Variants in NPAS3 observed in about 807,000 individuals in gnomAD.
The protein encoded by NPAS3 is neuronal PAS domain-containing protein 3.
Under a neutral mutation model 73.1 loss-of-function variants are expected in NPAS3, and 14 were observed. That is an observed-to-expected ratio of 0.19 (90% CI 0.13 to 0.30). The LOEUF is 0.30. Ranked by LOEUF, NPAS3 falls within the 10% of genes least tolerant of loss-of-function variation. The probability of loss-of-function intolerance (pLI) is 1.00; values close to 1 mark genes in which losing one functional copy is unlikely to be tolerated. For synonymous variants in NPAS3, 620 were observed against 541.5 expected (o/e 1.14, Z -2.01); for missense variants, 1,096 against 1,250.0 (o/e 0.88, Z 1.86).
At chr14:33,688,410 T>C (rs1338689567) in intron 6 of NPAS3, among the ~76,000 whole-genome samples, 1 of 152,202 alleles carries the variant, frequency 6.6e-6, no homozygotes, top group East Asian at 1.9e-4. Flanking sequence ...AGAGAAACTC[T>C]TACTAATACC....
chr14:33,481,779 A>C (rs1215015401), intron 4 of NPAS3, among the ~76,000 whole-genome samples: 1 of 152,008 alleles, frequency 6.6e-6, no homozygotes, highest in African/African-American at 2.4e-5. Context: ...AGTTATAAAA[A>C]AATCAAAAAA....
intron 2 of NPAS3, among the ~76,000 whole-genome samples, chr14:33,179,082 T>A (rs1343327015): frequency 1.3e-5 from 2 of 152,208 alleles, no homozygotes; most frequent in Non-Finnish European, 2.9e-5. Flanking sequence ...TCACGTGTGT[T>A]TTTTTTCCCT....
At chr14:33,528,953 G>A (rs913368519) in intron 4 of NPAS3, among the ~76,000 whole-genome samples, 12 of 152,072 alleles carry the variant, frequency 7.9e-5, no homozygotes, top group Admixed American at 5.2e-4. Flanking sequence ...GTTTTTCGAG[G>A]TCATATAGTT....
At chr14:33,146,339 C>T (rs2044236435) in intron 2 of NPAS3, among the ~76,000 whole-genome samples, 1 of 152,148 alleles carries the variant, frequency 6.6e-6, no homozygotes, top group African/African-American at 2.4e-5. Flanking sequence ...AGCTCGACCC[C>T]CTTCCCTAAG....
intron 5 of NPAS3, among the ~76,000 whole-genome samples, chr14:33,639,991 G>A (rs1199208999): frequency 6.6e-6 from 1 of 152,102 alleles, no homozygotes; most frequent in African/African-American, 2.4e-5. Flanking sequence ...GCCGAAGTGG[G>A]TGGATCACCT....
At chr14:33,300,327 G>T (rs1273827887) in intron 3 of NPAS3, among the ~76,000 whole-genome samples, 1 of 152,074 alleles carries the variant, frequency 6.6e-6, no homozygotes, top group Non-Finnish European at 1.5e-5. Flanking sequence ...TTGTAAGTTG[G>T]GCTAGTAAAA....
At chr14:32,958,241 C>A (rs1319396395) in intron 1 of NPAS3, among the ~76,000 whole-genome samples, 1 of 152,084 alleles carries the variant, frequency 6.6e-6, no homozygotes. Flanking sequence ...CTGAATGCTT[C>A]CAGAAGGGTT....
chr14:33,335,283 T>C (rs899675988), intron 3 of NPAS3, among the ~76,000 whole-genome samples: 1 of 152,124 alleles, frequency 6.6e-6, no homozygotes, highest in Non-Finnish European at 1.5e-5. Context: ...TTTATTCTTA[T>C]AGTGATGGAC....
intron 4 of NPAS3, among the ~76,000 whole-genome samples, chr14:33,381,000 CTT>C (rs957426320): frequency 1.4e-5 from 2 of 141,980 alleles, no homozygotes. Flanking sequence ...ACAGAAAATT[CTT>C]TTTTTTTTTT....
intron 2 of NPAS3, among the ~76,000 whole-genome samples, chr14:33,119,892 C>T (rs1049803619): frequency 3.3e-5 from 5 of 152,242 alleles, no homozygotes; most frequent in African/African-American, 1.2e-4. Flanking sequence ...AAATGAAGAC[C>T]TTCTGTTTAA....
intron 5 of NPAS3, among the ~76,000 whole-genome samples, chr14:33,615,783 GCCATATATTCCTTT>G (rs1403099068): frequency 6.6e-6 from 1 of 152,118 alleles, no homozygotes; most frequent in African/African-American, 2.4e-5. Flanking sequence ...AATCCCCGTA[GCCATATATTCCTTT>G]CCAGAGAGTC....
intron 5 of NPAS3, among the ~76,000 whole-genome samples, chr14:33,646,503 A>G (rs2058833341): frequency 6.6e-6 from 1 of 152,200 alleles, no homozygotes; most frequent in South Asian, 2.1e-4. Context: ...TAGTATCTAT[A>G]TAATTCATAA....
chr14:33,288,813 A>G lies in NPAS3; in HGVS notation c.385+73387A>G, dbSNP rs147012122. ...AATCTAATCATGCACATGTACACAC[A>G]CCCACAAAGCAAAATATCTAAAAAA... On this transcript the variant is annotated intron_variant, in intron 3 of 11. Transcript: ENST00000356141. Among the ~76,000 whole-genome samples, 48 of 152,258 alleles carry G rather than the reference A, an allele frequency of 3.2e-4. 1 individual carries two copies. Among genetic ancestry groups the G allele is most frequent in the Middle Eastern group, 3.4e-3 (1 of 294 alleles).
chr14:33,234,099 AT>A (rs2047947335), intron 3 of NPAS3, among the ~76,000 whole-genome samples: 1 of 152,172 alleles, frequency 6.6e-6, no homozygotes, highest in Non-Finnish European at 1.5e-5. Flanking sequence ...CTTGAAAGTT[AT>A]AAAAACCTAT....
At chr14:33,686,952 G>C (rs1358359752) in intron 6 of NPAS3, among the ~76,000 whole-genome samples, 2 of 152,082 alleles carry the variant, frequency 1.3e-5, no homozygotes, top group East Asian at 3.9e-4. Context: ...GAACAGAGAA[G>C]ACCAGAAACA....
intron 3 of NPAS3, among the ~76,000 whole-genome samples, chr14:33,308,553 C>CACACATACAT (rs1195213186): frequency 2.1e-4 from 24 of 113,908 alleles, no homozygotes; most frequent in African/African-American, 9.5e-4. Flanking sequence ...CACACACACA[C>CACACATACAT]ACATACATAC....
intron 2 of NPAS3, among the ~76,000 whole-genome samples, chr14:33,165,851 T>C (rs887356809): frequency 6.6e-6 from 1 of 152,200 alleles, no homozygotes; most frequent in African/African-American, 2.4e-5. Context: ...GGAATCCATA[T>C]TCGGGGGCAT....
chr14:33,359,122 T>TGA (rs374683004), intron 3 of NPAS3, among the ~76,000 whole-genome samples: 41 of 151,160 alleles, frequency 2.7e-4, no homozygotes, highest in Non-Finnish European at 4.9e-4. Context: ...AGAGAGACAG[T>TGA]GAGAGAGAGA....
intron 5 of NPAS3, among the ~76,000 whole-genome samples, chr14:33,600,717 CTT>C (rs2057375308): frequency 6.6e-6 from 1 of 152,224 alleles, no homozygotes; most frequent in Non-Finnish European, 1.5e-5. Flanking sequence ...AATTCATACT[CTT>C]TGTCCTCAAA....
Sources: gnomAD v4.1 joint callset for allele counts (sites outside exome capture counted in the v4.1 genomes callset) on GRCh38, gnomAD v4.1.1 for gene constraint, MANE v1.5 for transcripts, NCBI Gene and HGNC (gene_info 2026-07-23, HGNC 2026-07-21) for gene names.